REDIC1: variants seen among roughly 807,000 people sequenced by gnomAD.
The protein encoded by REDIC1 is regulator of DNA class I crossover intermediates 1.
At chr12:39,631,979 C>A in the REDIC1 span, among the ~76,000 whole-genome samples, 1 of 151,432 alleles carries the variant, frequency 6.6e-6, no homozygotes, top group East Asian at 1.9e-4. Context: ...TTTTGTTTAA[C>A]CTTCTGATAA....
the REDIC1 span, among the ~76,000 whole-genome samples, chr12:39,905,822 G>GACAAAAAAA: frequency 6.9e-6 from 1 of 145,402 alleles, no homozygotes; most frequent in Non-Finnish European, 1.5e-5. Flanking sequence ...AAAATGCCCA[G>GACAAAAAAA]AAAAAAAAAA....
the REDIC1 span, among the ~76,000 whole-genome samples, chr12:39,774,670 A>G: frequency 3.7e-4 from 56 of 150,068 alleles, no homozygotes; most frequent in African/African-American, 1.3e-3. Flanking sequence ...TTTGTTAATT[A>G]CTATTATTTT....
the REDIC1 span, among the ~76,000 whole-genome samples, chr12:39,906,723 A>C: frequency 1.3e-5 from 2 of 152,012 alleles, no homozygotes; most frequent in South Asian, 2.1e-4. Flanking sequence ...CAATTACTAA[A>C]ATTCTTATTA....
At chr12:39,877,924 CCCT>C in the REDIC1 span, among the ~76,000 whole-genome samples, 4 of 152,116 alleles carry the variant, frequency 2.6e-5, no homozygotes, top group African/African-American at 9.7e-5. Flanking sequence ...GGAGGTGGAT[CCCT>C]CAAGGTTTGG....
the REDIC1 span, chr12:39,758,366 T>C: frequency 6.6e-6 from 1 of 151,826 alleles, no homozygotes; most frequent in East Asian, 1.9e-4. Context: ...ATTAAAAGAA[T>C]AGAGTATCTT....
the REDIC1 span, chr12:39,646,802 C>T: frequency 8.2e-7 from 1 of 1,225,758 alleles, no homozygotes. Context: ...GATTTTATTT[C>T]AATTTATATT....
chr12:39,780,462 C>CA, the REDIC1 span, among the ~76,000 whole-genome samples: 4 of 152,068 alleles, frequency 2.6e-5, no homozygotes, highest in Admixed American at 2.6e-4. Context: ...AAATATCATC[C>CA]AAAAATGAGT....
chr12:39,706,484 C>A, the REDIC1 span, among the ~76,000 whole-genome samples: 1 of 151,810 alleles, frequency 6.6e-6, no homozygotes, highest in East Asian at 1.9e-4. Context: ...CCATAAAAGA[C>A]CAAGAATAGC....
chr12:39,902,030 A>C, the REDIC1 span, among the ~76,000 whole-genome samples: 236 of 152,228 alleles, frequency 1.6e-3, 2 homozygotes, highest in African/African-American at 5.3e-3. Flanking sequence ...GGATGAGTTC[A>C]TGTCCTTTGT....
At chr12:39,756,848 G>T in the REDIC1 span, 1 of 151,534 alleles carries the variant, frequency 6.6e-6, no homozygotes, top group Admixed American at 6.6e-5. Flanking sequence ...ACTAAAATCA[G>T]GTTCAGTGGT....
At chr12:39,709,143 A>C in the REDIC1 span, among the ~76,000 whole-genome samples, 1 of 151,518 alleles carries the variant, frequency 6.6e-6, no homozygotes, top group African/African-American at 2.4e-5. Flanking sequence ...ACCCAAACAC[A>C]CACACACAGC....
the REDIC1 span, among the ~76,000 whole-genome samples, chr12:39,817,445 T>C: frequency 2.0e-5 from 3 of 152,322 alleles, no homozygotes; most frequent in East Asian, 3.9e-4. Flanking sequence ...TTTAGGCTCT[T>C]AGTAACTTAC....
At chr12:39,903,851 T>G in the REDIC1 span, among the ~76,000 whole-genome samples, 1 of 152,106 alleles carries the variant, frequency 6.6e-6, no homozygotes, top group African/African-American at 2.4e-5. Flanking sequence ...GAAGGAAGAT[T>G]GAGTGGCCTC....
chr12:39,756,658 T>C, the REDIC1 span: 1 of 151,792 alleles, frequency 6.6e-6, no homozygotes, highest in Admixed American at 6.6e-5. Context: ...GTTATTCTAA[T>C]ATATTTTCAA....
chr12:39,724,356 G>A, the REDIC1 span, among the ~76,000 whole-genome samples: 5 of 152,054 alleles, frequency 3.3e-5, no homozygotes, highest in Non-Finnish European at 4.4e-5. Flanking sequence ...GTAGGTCCTG[G>A]GAATCTGTAG....
chr12:39,833,011 C>T, the REDIC1 span, among the ~76,000 whole-genome samples: 7 of 152,044 alleles, frequency 4.6e-5, no homozygotes, highest in African/African-American at 1.7e-4. Context: ...CTTAAAGTTT[C>T]TTAGCCCCCT....
the REDIC1 span, chr12:39,721,273 G>A: frequency 2.5e-6 from 4 of 1,574,534 alleles, no homozygotes; most frequent in African/African-American, 4.1e-5. Context: ...CTCTACCTAG[G>A]ATGTAGAATT....
the REDIC1 span, among the ~76,000 whole-genome samples, chr12:39,743,987 G>A: frequency 6.6e-6 from 1 of 151,974 alleles, no homozygotes; most frequent in Non-Finnish European, 1.5e-5. Context: ...GATATAGGAA[G>A]CTGGATAAAT....
the REDIC1 span, among the ~76,000 whole-genome samples, chr12:39,632,165 C>T: frequency 3.3e-5 from 5 of 151,920 alleles, no homozygotes; most frequent in African/African-American, 9.7e-5. Flanking sequence ...GGTGCCATCT[C>T]GGCTCACTGC....
Sources: allele counts gnomAD v4.1 joint callset (sites outside exome capture counted in the v4.1 genomes callset), GRCh38; gene constraint gnomAD v4.1.1; transcripts MANE v1.5; gene names NCBI Gene and HGNC (gene_info 2026-07-23, HGNC 2026-07-21).